Variants in BRINP1 observed in about 807,000 individuals in gnomAD.
The protein encoded by BRINP1 is BMP/retinoic acid inducible neural specific 1.
In BRINP1, 17 loss-of-function variants were observed where a neutral mutation model predicts 72.9. The ratio of observed to expected loss-of-function variants is 0.23; its 90% confidence interval spans 0.16 to 0.35. BRINP1 has a LOEUF of 0.35. Ranked by LOEUF, BRINP1 falls within the 10% of genes least tolerant of loss-of-function variation. The pLI, the probability that BRINP1 is intolerant of heterozygous loss-of-function variation, is 1.00. For missense variants in BRINP1, 850 were observed against 1,001.6 expected (o/e 0.85, Z 2.04); for synonymous variants, 418 against 378.5 (o/e 1.10, Z -1.21).
At chr9:119,177,159 G>C (rs1829498782) in intron 7 of BRINP1, among the ~76,000 whole-genome samples, 4 of 152,050 alleles carry the variant, frequency 2.6e-5, no homozygotes, top group African/African-American at 9.7e-5. Context: ...TTTCTTGTTA[G>C]TTTTCATTTA....
chr9:119,286,926 A>G (rs1163330375), intron 2 of BRINP1, among the ~76,000 whole-genome samples: 3 of 152,196 alleles, frequency 2.0e-5, no homozygotes, highest in Admixed American at 1.3e-4. Flanking sequence ...GTTTTTCTAG[A>G]CCTAAAGATC....
At chr9:119,349,606 C>A (rs1037292714) in intron 1 of BRINP1, among the ~76,000 whole-genome samples, 6 of 152,126 alleles carry the variant, frequency 3.9e-5, no homozygotes, top group Non-Finnish European at 8.8e-5. Flanking sequence ...TGGCCTAAAT[C>A]TTTTTTTAAT....
At chr9:119,168,257 C>T in intron 7 of BRINP1, 33 bp from the exon 8 acceptor site, 1 of 1,466,404 alleles carries the variant, frequency 6.8e-7, no homozygotes, top group Non-Finnish European at 9.0e-7. Context: ...AGAAGGTTAG[C>T]TACCATGAGT....
chr9:119,175,375 T>G (rs1829474736), intron 7 of BRINP1, among the ~76,000 whole-genome samples: 1 of 150,908 alleles, frequency 6.6e-6, no homozygotes, highest in Non-Finnish European at 1.5e-5. Flanking sequence ...TTGTCAGGGG[T>G]TGGGGGGCTA....
chr9:119,176,237 A>C (rs915189587), intron 7 of BRINP1, among the ~76,000 whole-genome samples: 16 of 152,192 alleles, frequency 1.1e-4, no homozygotes, highest in Non-Finnish European at 1.9e-4. Flanking sequence ...ATTGTCTGTC[A>C]AGCGAGAGTC....
At chr9:119,194,263 T>C (rs1021978519) in intron 7 of BRINP1, among the ~76,000 whole-genome samples, 2 of 152,204 alleles carry the variant, frequency 1.3e-5, no homozygotes, top group East Asian at 3.8e-4. Context: ...GTCAATTTGT[T>C]ATACAGCAAT....
chr9:119,317,051 A>G lies in BRINP1; in HGVS notation c.-50-3646T>C, dbSNP rs576427369. Among the ~76,000 whole-genome samples the G allele has an allele frequency of 3.5e-4, 53 of 150,492 alleles. 1 individual carries two copies. The highest frequency in any genetic ancestry group is 1.2e-3 in the African/African-American group (48 of 39,812). ...GGTCGCCGGGAACCAAGATCGCACC[A>G]CTGCACTCCAGCCTGGTGACAGAGT... On this transcript the variant is annotated intron_variant, in intron 1 of 7. Transcript: ENST00000265922.
At chr9:119,321,402 G>A (rs1171899729) in intron 1 of BRINP1, among the ~76,000 whole-genome samples, 1 of 152,246 alleles carries the variant, frequency 6.6e-6, no homozygotes, top group Non-Finnish European at 1.5e-5. Flanking sequence ...GATGTGGCTA[G>A]TCCAAATGGA....
intron 1 of BRINP1, among the ~76,000 whole-genome samples, chr9:119,328,365 C>G (rs2119009596): frequency 6.6e-6 from 1 of 152,278 alleles, no homozygotes; most frequent in South Asian, 2.1e-4. Flanking sequence ...ACAGAGTATA[C>G]AGTACTTGGC....
At chr9:119,295,460 C>A (rs1232688086) in intron 2 of BRINP1, among the ~76,000 whole-genome samples, 1 of 152,174 alleles carries the variant, frequency 6.6e-6, no homozygotes, top group Admixed American at 6.5e-5. Context: ...CAAATCTGTA[C>A]AAGATGTTAC....
Position 119,366,503 on chromosome 9 carries a change from CGTGTGTGTGTGTGTGTGT to C in BRINP1, c.-51+2535_-51+2552del, listed in dbSNP as rs3983901. 4.4e-3 allele frequency among the ~76,000 whole-genome samples: 602 copies of C among 136,304 alleles called. 23 individuals carry two copies. Among genetic ancestry groups the C allele is most frequent in the African/African-American group, 0.015 (534 of 35,624 alleles). The allele number at this position is 136,304 out of a possible 152,430, so 89.4% of individuals were successfully genotyped here. On this transcript the variant is annotated intron_variant, in intron 1 of 7. Transcript: ENST00000265922. ...TCTCTCTCAGTCCTCCCCCCACCAC[CGTGTGTGTGTGTGTGTGT>C]GTGTGTGTGTGTGTGTGTGTGTGTG...
intron 5 of BRINP1, among the ~76,000 whole-genome samples, chr9:119,217,714 C>T (rs776329214): frequency 3.9e-5 from 6 of 152,116 alleles, no homozygotes; most frequent in Non-Finnish European, 7.4e-5. Flanking sequence ...AGCTTGTATA[C>T]AGTCTTTGTG....
intron 1 of BRINP1, among the ~76,000 whole-genome samples, chr9:119,366,567 G>A (rs1019279500): frequency 3.6e-5 from 5 of 139,902 alleles, no homozygotes; most frequent in African/African-American, 5.4e-5. Context: ...TGTGTCTTTC[G>A]GGAATAGTGA....
chr9:119,218,179 G>T (rs1230321988), intron 5 of BRINP1, among the ~76,000 whole-genome samples: 1 of 150,864 alleles, frequency 6.6e-6, no homozygotes, highest in East Asian at 2.0e-4. Flanking sequence ...TAGGCTCCAG[G>T]CACTCATTTG....
Position 119,264,732 on chromosome 9 carries a change from TC to T in BRINP1, c.219-15583del, listed in dbSNP as rs559291061. 1.4e-3 allele frequency among the ~76,000 whole-genome samples: 212 copies of T among 152,246 alleles called. 1 individual carries two copies. Among genetic ancestry groups the T allele is most frequent in the African/African-American group, 4.8e-3 (200 of 41,544 alleles). ...ATCACCCAGGCTGGAGTGCAGTGGC[TC>T]CATCTCAGCTCACTGCAACCTCCGC... On this transcript the variant is annotated intron_variant, in intron 2 of 7. Transcript: ENST00000265922.
At chr9:119,282,992 C>T (rs1295306776) in intron 2 of BRINP1, 2 of 985,226 alleles carry the variant, frequency 2.0e-6, no homozygotes, top group African/African-American at 3.5e-5. Flanking sequence ...TCACTGACCA[C>T]TTCTTAGATT....
chr9:119,236,887 G>A (rs2118905729), intron 5 of BRINP1, among the ~76,000 whole-genome samples: 1 of 152,216 alleles, frequency 6.6e-6, no homozygotes, highest in Non-Finnish European at 1.5e-5. Flanking sequence ...TTTCTAGTGT[G>A]TTGTGTTTTG....
Position 119,166,801 on chromosome 9 carries a change from C to CCCAATACAG in BRINP1, c.*274_*282dup, listed in dbSNP as rs964311122. 4 of 350,160 alleles carry CCCAATACAG rather than the reference C, an allele frequency of 1.1e-5. No individual in the cohort carries two copies. The highest frequency in any genetic ancestry group is 2.1e-5 in the Non-Finnish European group (4 of 191,372). The allele number at this position is 350,160 out of a possible 1,614,324, so 21.7% of individuals were successfully genotyped here. A position where few individuals can be genotyped will look rare whatever the true frequency, so the allele number is the denominator to read the frequency against. On this transcript the variant is annotated 3_prime_UTR_variant, in exon 8 of 8. Coordinates refer to ENST00000265922, the MANE Select transcript of BRINP1 (RefSeq NM_014618.3). ...ATTGCATATGCTTTCTCCCTTCTCC[C>CCCAATACAG]CCAATACAGCACCTGAGGCCTAAGA...
chr9:119,228,482 A>C (rs1830116234), intron 5 of BRINP1, among the ~76,000 whole-genome samples: 1 of 141,338 alleles, frequency 7.1e-6, no homozygotes, highest in Admixed American at 7.2e-5. Flanking sequence ...GGTGAGTAAA[A>C]TAAAAAAAAA....
Sources: gnomAD v4.1 joint callset for allele counts (sites outside exome capture counted in the v4.1 genomes callset) on GRCh38, gnomAD v4.1.1 for gene constraint, MANE v1.5 for transcripts, NCBI Gene and HGNC (gene_info 2026-07-23, HGNC 2026-07-21) for gene names.